Variants in PAK5 observed in about 807,000 individuals in gnomAD.
PAK5 encodes the protein p21 (RAC1) activated kinase 5.
In PAK5, 16 loss-of-function variants were observed where a neutral mutation model predicts 65.9. The ratio of observed to expected loss-of-function variants is 0.24; its 90% CI spans 0.16 to 0.37. The LOEUF is 0.37. Among genes scored for constraint, PAK5 ranks in the 10% least tolerant of loss-of-function variants. The pLI is 1.00. For synonymous variants in PAK5, 371 were observed against 354.9 expected, an observed-to-expected ratio of 1.05 and a Z score of -0.51; for missense variants, 785 against 903.9, an observed-to-expected ratio of 0.87 and a Z score of 1.69.
intron 3 of PAK5, among the ~76,000 whole-genome samples, chr20:9,624,475 T>G (rs1031738548): frequency 6.6e-6 from 1 of 151,826 alleles, no homozygotes; most frequent in Non-Finnish European, 1.5e-5. Flanking sequence ...TCTAGAAAGA[T>G]TTTTATGCCA....
At chr20:9,824,870 A>G (rs1030748521) in intron 1 of PAK5, among the ~76,000 whole-genome samples, 3 of 152,084 alleles carry the variant, frequency 2.0e-5, no homozygotes, top group Non-Finnish European at 2.9e-5. Flanking sequence ...TATCTTCTAT[A>G]TTCATTGATA....
At chr20:9,636,283 A>G (rs571038968) in intron 3 of PAK5, among the ~76,000 whole-genome samples, 2 of 152,344 alleles carry the variant, frequency 1.3e-5, no homozygotes, top group Middle Eastern at 3.4e-3. Context: ...AGAGAATTTC[A>G]GAGTAATTAA....
intron 4 of PAK5, among the ~76,000 whole-genome samples, chr20:9,570,567 C>CGATGGAATGGGGAGAGAGAAGTGTCAG (rs1555897498): frequency 7.2e-5 from 11 of 152,022 alleles, no homozygotes; most frequent in Admixed American, 1.3e-4. Flanking sequence ...AGTTAAACAA[C>CGATGGAATGGGGAGAGAGAAGTGTCAG]TGGATTCTTC....
rs117510150 is a variant in PAK5 at position 9,772,426 on chromosome 20, C to T, written c.-161-60991G>A. On this transcript the variant is annotated intron_variant, in intron 1 of 9. Coordinates refer to ENST00000353224, the MANE Select transcript of PAK5 (RefSeq NM_177990.4). ...GGTTTTGCAGGAGTCTCTAGACCAT[C>T]CCTGTGAAGGAATATCCCCGCTAGG... Among the ~76,000 whole-genome samples the T allele has an allele frequency of 7.5e-3, 1,144 of 151,726 alleles. 8 individuals carry two copies. Among genetic ancestry groups the T allele is most frequent in the Middle Eastern group, 0.017 (5 of 294 alleles).
rs761147242 is a variant in PAK5 at position 9,539,584 on chromosome 20, T to A, written c.2038A>T (p.Met680Leu). Residue 680 changes from methionine (M) to leucine (L), a missense_variant, in exon 10 of 10, where the codon ATG (methionine) becomes TTG (leucine). Transcript: ENST00000353224. Reference sequence around the variant, plus strand: ...CTCTGAGAGGGCTCCCTCACCAACATCAAGTCTAGGAATCCCCGGAGCACT... The same window carrying A: ...CTCTGAGAGGGCTCCCTCACCAACAACAAGTCTAGGAATCCCCGGAGCACT... ...SSVLRGFLDL[M>L]LVREPSQRAT... The A allele has an allele frequency of 1.3e-5, 21 of 1,613,444 alleles. No individual in the cohort carries two copies. The highest frequency in any genetic ancestry group is 1.6e-5 in the Non-Finnish European group (19 of 1,179,960).
intron 4 of PAK5, among the ~76,000 whole-genome samples, chr20:9,579,132 T>G (rs186665397): frequency 2.7e-4 from 41 of 152,264 alleles, no homozygotes; most frequent in African/African-American, 9.4e-4. Flanking sequence ...GCAGGCAGGC[T>G]TGGGTTCCAG....
intron 1 of PAK5, among the ~76,000 whole-genome samples, chr20:9,711,877 AG>A (rs1481868242): frequency 6.6e-5 from 10 of 152,220 alleles, no homozygotes; most frequent in Non-Finnish European, 1.0e-4. Flanking sequence ...CAAATACCAA[AG>A]CACTGTTACT....
chr20:9,570,114 T>TA (rs1490621397), intron 4 of PAK5, among the ~76,000 whole-genome samples: 3 of 152,130 alleles, frequency 2.0e-5, no homozygotes, highest in African/African-American at 7.2e-5. Context: ...ACAATAATAA[T>TA]ACTTACTTCC....
At chr20:9,752,991 C>A (rs1181899603) in intron 1 of PAK5, among the ~76,000 whole-genome samples, 5 of 152,122 alleles carry the variant, frequency 3.3e-5, no homozygotes, top group African/African-American at 1.2e-4. Flanking sequence ...ATATGACAGA[C>A]TACACAGAAA....
intron 2 of PAK5, among the ~76,000 whole-genome samples, chr20:9,689,302 T>C (rs549918820): frequency 2.5e-4 from 38 of 152,342 alleles, no homozygotes; most frequent in African/African-American, 9.1e-4. Flanking sequence ...AACTCACCAG[T>C]CTTTGGCTTC....
At chr20:9,621,521 G>GA (rs1161378964) in intron 3 of PAK5, among the ~76,000 whole-genome samples, 22 of 143,696 alleles carry the variant, frequency 1.5e-4, no homozygotes, top group Non-Finnish European at 2.7e-4. Flanking sequence ...GGGCTGATTT[G>GA]AAAAAAAAAA....
chr20:9,643,771 T>C (rs1175727982), intron 3 of PAK5, among the ~76,000 whole-genome samples: 1 of 152,202 alleles, frequency 6.6e-6, no homozygotes, highest in Non-Finnish European at 1.5e-5. Flanking sequence ...AAAGGTGGTC[T>C]AATGTTGGTC....
At chr20:9,603,609 G>C (rs1018678511) in intron 3 of PAK5, among the ~76,000 whole-genome samples, 2 of 152,162 alleles carry the variant, frequency 1.3e-5, no homozygotes, top group African/African-American at 4.8e-5. Flanking sequence ...AAGCAAAACT[G>C]TGTACATCCT....
At chr20:9,686,894 T>G (rs2047726562) in intron 2 of PAK5, among the ~76,000 whole-genome samples, 2 of 152,132 alleles carry the variant, frequency 1.3e-5, no homozygotes, top group Non-Finnish European at 2.9e-5. Flanking sequence ...GAAGCAAAGA[T>G]GTAATATGTG....
At position 9,580,221 on chromosome 20, in the gene PAK5, T is replaced by G; in HGVS notation, c.914A>C (p.Lys305Thr). 6.2e-7 allele frequency: 1 copy of G among 1,614,130 alleles called. No individual in the cohort carries two copies. The highest frequency in any genetic ancestry group is 8.5e-7 in the Non-Finnish European group (1 of 1,180,012). Residue 305 changes from lysine to threonine, a missense_variant, in exon 4 of 10, where the codon AAA (lysine) becomes ACA (threonine). By Grantham distance (78) the Lys-to-Thr change is moderately conservative. This residue lies in a region of PAK5 where 422 missense variants were observed against 413.3 expected (regional missense o/e 1.02). Coordinates refer to ENST00000353224, the MANE Select transcript of PAK5 (RefSeq NM_177990.4). ...PMMPFGASAF[K>T]THPQGHSYNS... The stretch of plus-strand genomic sequence containing the variant: ...GTAGGAGTGTCCTTGGGGATGGGTT[T>G]TAAATGCACTTGCTCCAAATGGCAT...
At chr20:9,821,317 G>T (rs2049418185) in intron 1 of PAK5, among the ~76,000 whole-genome samples, 1 of 152,102 alleles carries the variant, frequency 6.6e-6, no homozygotes, top group South Asian at 2.1e-4. Context: ...GGAGGCGGAA[G>T]TTGCAGTGAG....
At chr20:9,714,600 A>G (rs1196544115) in intron 1 of PAK5, among the ~76,000 whole-genome samples, 1 of 152,118 alleles carries the variant, frequency 6.6e-6, no homozygotes, top group Non-Finnish European at 1.5e-5. Context: ...CTTAACATTG[A>G]TTTACTTGTA....
chr20:9,706,471 CTT>C (rs34420250), intron 2 of PAK5, among the ~76,000 whole-genome samples: 1,920 of 125,442 alleles, frequency 0.015, 13 homozygotes, highest in African/African-American at 0.046. Context: ...TCTACAAACT[CTT>C]TTTTTTTTTT....
chr20:9,755,234 G>T (rs1389266897), intron 1 of PAK5, among the ~76,000 whole-genome samples: 2 of 152,194 alleles, frequency 1.3e-5, no homozygotes, highest in Non-Finnish European at 2.9e-5. Flanking sequence ...TCCTGCATAT[G>T]CAATCAGCTG....
Sources: allele counts gnomAD v4.1 joint callset (sites outside exome capture counted in the v4.1 genomes callset), GRCh38; gene constraint gnomAD v4.1.1; regional missense constraint gnomAD v4.1.1; transcripts MANE v1.5; gene names NCBI Gene and HGNC (gene_info 2026-07-23, HGNC 2026-07-21).